The following ASIC2 variants were observed in gnomAD, a reference collection of about 807,000 sequenced individuals.
ASIC2 encodes the protein acid sensing ion channel subunit 2.
A neutral mutation model predicts 57.3 loss-of-function variants in ASIC2; 25 were observed. The observed-to-expected ratio is 0.44, with a 90% confidence interval of 0.32 to 0.61. ASIC2 has a LOEUF of 0.61. ASIC2 is among the 20% of genes least tolerant of loss of function. ASIC2 has a pLI of 0.06. For missense variants in ASIC2, 641 were observed against 738.1 expected, an observed-to-expected ratio of 0.87 and a Z score of 1.52; for synonymous variants, 319 against 307.5, an observed-to-expected ratio of 1.04 and a Z score of -0.39.
At position 33,492,853 on chromosome 17, in the gene ASIC2, T is replaced by C. The variant is rs550545945; in HGVS notation, c.556-380786A>G. 7.2e-5 allele frequency among the ~76,000 whole-genome samples: 11 copies of C among 152,298 alleles called. No individual in the cohort carries two copies. In the South Asian group the frequency reaches 1.4e-3, roughly 20 times the overall value. The stretch of plus-strand genomic sequence containing the variant: ...GTGGAATGGGGGAAAGCTGCCCAGA[T>C]AGCTACTTGGTGCACTTTCCTCTCT... On this transcript the variant is annotated intron_variant, in intron 1 of 9. Coordinates refer to the ASIC2 transcript ENST00000359872.
At chr17:33,837,494 A>G (rs1913308253) in intron 1 of ASIC2, among the ~76,000 whole-genome samples, 1 of 152,186 alleles carries the variant, frequency 6.6e-6, no homozygotes, top group Non-Finnish European at 1.5e-5. Context: ...TAACCAATGT[A>G]AGCACAATGT....
chr17:33,492,362 C>G (rs1437189479), intron 1 of ASIC2, among the ~76,000 whole-genome samples: 2 of 152,218 alleles, frequency 1.3e-5, no homozygotes, highest in African/African-American at 4.8e-5. Context: ...CTTAGCCTCA[C>G]TTTCTTCAAC....
chr17:33,442,879 C>A (rs1002915696), intron 1 of ASIC2, among the ~76,000 whole-genome samples: 14 of 152,120 alleles, frequency 9.2e-5, no homozygotes, highest in Admixed American at 8.5e-4. Flanking sequence ...AACATTTAAT[C>A]TTTCATCATT....
intron 1 of ASIC2, among the ~76,000 whole-genome samples, chr17:33,920,704 TA>T (rs1325907147): frequency 6.6e-6 from 1 of 152,220 alleles, no homozygotes; most frequent in Non-Finnish European, 1.5e-5. Context: ...CCCCTGAATC[TA>T]AAATCAAAGT....
At chr17:33,665,375 C>A (rs1423032175) in intron 1 of ASIC2, among the ~76,000 whole-genome samples, 1 of 152,036 alleles carries the variant, frequency 6.6e-6, no homozygotes, top group Non-Finnish European at 1.5e-5. Context: ...GCCACAGAGA[C>A]CAAAGACCAT....
rs1176302370 is a variant in ASIC2, at chr17:33,338,381, C to T, written c.556-226314G>A. ...GTAGAATTCTGGAAGAAGTGTATGG[C>T]AGAGGTTAGTGCTGGGCTTGTGGGA... is the stretch of plus-strand genomic sequence containing the variant. On this transcript the variant is annotated intron_variant, in intron 1 of 9. Transcript: ENST00000359872. Among the ~76,000 whole-genome samples the T allele has an allele frequency of 2.0e-5, 3 of 152,054 alleles. No homozygotes were observed. The East Asian group carries it at 5.8e-4, about 29-fold the overall frequency.
At chr17:33,261,556 G>T (rs1305981235) in intron 1 of ASIC2, among the ~76,000 whole-genome samples, 6 of 152,202 alleles carry the variant, frequency 3.9e-5, no homozygotes, top group Admixed American at 1.3e-4. Flanking sequence ...GAGAAGGGGA[G>T]ACAGTCACAC....
rs1597734559 is a variant in ASIC2 at position 33,457,359 on chromosome 17, CT to C, written c.556-345293del. Among the ~76,000 whole-genome samples the C allele has an allele frequency of 2.0e-5, 3 of 151,644 alleles. No homozygotes were observed. The East Asian group carries it at 5.8e-4, about 30-fold the overall frequency. On this transcript the variant is annotated intron_variant, in intron 1 of 9. Transcript: ENST00000359872. ...CTTTTCTAAGTATTGAGTCTATTTA[CT>C]GAGTGTATGATCTGTAGAGAGAAAT...
intron 1 of ASIC2, among the ~76,000 whole-genome samples, chr17:33,398,079 C>G (rs763743877): frequency 1.3e-5 from 2 of 152,174 alleles, no homozygotes; most frequent in Non-Finnish European, 2.9e-5. Context: ...TCCTTGGTGT[C>G]CTGACACTAA....
chr17:33,153,709 A>G (rs1163271764), intron 1 of ASIC2, among the ~76,000 whole-genome samples: 3 of 152,148 alleles, frequency 2.0e-5, no homozygotes, highest in Non-Finnish European at 4.4e-5. Flanking sequence ...GGAAAGACAG[A>G]CCTATTGCCC....
intron 1 of ASIC2, among the ~76,000 whole-genome samples, chr17:33,778,556 C>A (rs1422287133): frequency 1.3e-5 from 2 of 152,080 alleles, no homozygotes; most frequent in Middle Eastern, 6.3e-3. Context: ...CACTTGTCAC[C>A]ACTGAGATAA....
intron 1 of ASIC2, among the ~76,000 whole-genome samples, chr17:33,584,119 T>G (rs1217562521): frequency 1.3e-5 from 2 of 152,248 alleles, no homozygotes; most frequent in Non-Finnish European, 2.9e-5. Flanking sequence ...TTGAAATTGC[T>G]AATACTCTGG....
chr17:33,906,518 TCAC>T (rs1367005356), intron 1 of ASIC2, among the ~76,000 whole-genome samples: 3 of 152,192 alleles, frequency 2.0e-5, no homozygotes, highest in Non-Finnish European at 4.4e-5. Context: ...CATGTGTCCT[TCAC>T]TTATGAGAAA....
chr17:33,292,341 C>A lies in ASIC2; in HGVS notation c.-226G>T, dbSNP rs1905524050. The A allele has an allele frequency of 2.0e-6, 2 of 986,276 alleles. No individual in the cohort carries two copies. The highest frequency in any genetic ancestry group is 1.8e-5 in the African/African-American group (1 of 57,106). The allele number at this position is 986,276 out of a possible 1,614,324, so 61.1% of individuals were successfully genotyped here. Reference sequence around the variant, plus strand: ...GGCTGAGCGCCGCCTCAGCCCGCAGCCCCTGGCAGTGGCCTCTCCCGAGCG... The same window carrying A: ...GGCTGAGCGCCGCCTCAGCCCGCAGACCCTGGCAGTGGCCTCTCCCGAGCG... On this transcript the variant is annotated 5_prime_UTR_variant, in exon 1 of 10. Transcript: ENST00000225823.
At chr17:33,495,622 G>A (rs1004043075) in intron 1 of ASIC2, among the ~76,000 whole-genome samples, 2 of 152,180 alleles carry the variant, frequency 1.3e-5, no homozygotes, top group Middle Eastern at 3.2e-3. Flanking sequence ...TCAGTAAGTA[G>A]GAGGGAGCAT....
intron 1 of ASIC2, among the ~76,000 whole-genome samples, chr17:33,902,326 C>T (rs1567751262): frequency 6.6e-6 from 1 of 152,164 alleles, no homozygotes; most frequent in Admixed American, 6.5e-5. Flanking sequence ...AAGCCTTAAC[C>T]AACAGAGCAC....
At chr17:33,166,887 C>T (rs1905326490) in intron 1 of ASIC2, among the ~76,000 whole-genome samples, 1 of 152,146 alleles carries the variant, frequency 6.6e-6, no homozygotes, top group Non-Finnish European at 1.5e-5. Context: ...CACTGAAGAG[C>T]TCAAAAAAGA....
chr17:33,100,857 GT>G (rs2141977033), intron 2 of ASIC2, among the ~76,000 whole-genome samples: 1 of 152,320 alleles, frequency 6.6e-6, no homozygotes, highest in African/African-American at 2.4e-5. Flanking sequence ...CCAGCTGGGA[GT>G]TTTAACTAGA....
intron 1 of ASIC2, among the ~76,000 whole-genome samples, chr17:34,144,178 G>A (rs1439739784): frequency 1.3e-5 from 2 of 152,168 alleles, no homozygotes; most frequent in Non-Finnish European, 2.9e-5. Context: ...TCACTTGGCT[G>A]TTGTGAAGAC....
Sources: gnomAD v4.1 joint callset for allele counts (sites outside exome capture counted in the v4.1 genomes callset) on GRCh38, gnomAD v4.1.1 for gene constraint, MANE v1.5 for transcripts, NCBI Gene and HGNC (gene_info 2026-07-23, HGNC 2026-07-21) for gene names.